The following ESRRG variants were observed in gnomAD, a reference collection of about 807,000 sequenced individuals.
ESRRG encodes the protein estrogen related receptor gamma, also known as estrogen-related receptor gamma.
In ESRRG, 13 loss-of-function variants were observed where a neutral mutation model predicts 44.0. That is an observed-to-expected ratio of 0.30 (90% confidence interval 0.19 to 0.47). ESRRG has a LOEUF of 0.47. Ranked by LOEUF, ESRRG falls within the 20% of genes least tolerant of loss-of-function variation. The pLI is 1.00. For missense variants in ESRRG, 395 were observed against 580.6 expected, an observed-to-expected ratio of 0.68 and a Z score of 3.29; for synonymous variants, 215 against 214.6, an observed-to-expected ratio of 1.00 and a Z score of -0.02.
intron 1 of ESRRG, among the ~76,000 whole-genome samples, chr1:216,719,634 C>T (rs2085745149): frequency 6.6e-6 from 1 of 151,720 alleles, no homozygotes; most frequent in South Asian, 2.1e-4. Flanking sequence ...ATATATATTA[C>T]AGGTCAGATT....
At chr1:216,508,674 A>G (rs1393558928) in intron 6 of ESRRG, among the ~76,000 whole-genome samples, 4 of 152,232 alleles carry the variant, frequency 2.6e-5, no homozygotes, top group Admixed American at 2.6e-4. Context: ...ACAAACACAC[A>G]TAATTTCTAA....
upstream of ESRRG, among the ~76,000 whole-genome samples, chr1:217,093,354 G>T (rs944097247): frequency 4.6e-5 from 7 of 152,070 alleles, no homozygotes; most frequent in African/African-American, 1.7e-4. Flanking sequence ...AGAACACTCA[G>T]CCTGGAGTGA....
At chr1:216,942,004 T>A (rs2065307055) in intron 1 of ESRRG, among the ~76,000 whole-genome samples, 1 of 152,150 alleles carries the variant, frequency 6.6e-6, no homozygotes, top group Non-Finnish European at 1.5e-5. Flanking sequence ...CTTCTACTGA[T>A]CCTGTCACCC....
At chr1:216,962,843 A>G (rs1473852351) in intron 1 of ESRRG, among the ~76,000 whole-genome samples, 1 of 152,208 alleles carries the variant, frequency 6.6e-6, no homozygotes, top group Non-Finnish European at 1.5e-5. Flanking sequence ...GAAAATAGCA[A>G]CTGAGAACGT....
intron 1 of ESRRG, among the ~76,000 whole-genome samples, chr1:217,005,780 T>TG (rs1426115005): frequency 1.2e-4 from 19 of 152,238 alleles, no homozygotes; most frequent in Non-Finnish European, 2.2e-4. Context: ...GTCAAAATTC[T>TG]CTCTTCTTTT....
chr1:217,017,478 C>CAAAAAAAAAAAAAA (rs55820027), intron 1 of ESRRG, among the ~76,000 whole-genome samples: 8 of 82,494 alleles, frequency 9.7e-5, no homozygotes, highest in African/African-American at 2.7e-4. Flanking sequence ...CTACATAACT[C>CAAAAAAAAAAAAAA]AAAAAAAAAA....
intron 1 of ESRRG, among the ~76,000 whole-genome samples, chr1:217,048,894 A>G (rs1020033739): frequency 6.6e-6 from 1 of 152,178 alleles, no homozygotes; most frequent in African/African-American, 2.4e-5. Context: ...GAAAATGAAC[A>G]TTGAATTATA....
chr1:216,872,349 G>A (rs2096270471), intron 2 of ESRRG, among the ~76,000 whole-genome samples: 2 of 151,898 alleles, frequency 1.3e-5, no homozygotes, highest in African/African-American at 4.8e-5. Flanking sequence ...TCCTAGTGTT[G>A]GCATTTTTTG....
intron 2 of ESRRG, among the ~76,000 whole-genome samples, chr1:216,654,196 TTTC>T (rs1319114660): frequency 1.3e-5 from 2 of 152,038 alleles, no homozygotes; most frequent in Non-Finnish European, 2.9e-5. Context: ...AACTTAGAAT[TTTC>T]TTATCTCAGG....
chr1:217,017,208 T>C (rs2079528131), intron 1 of ESRRG, among the ~76,000 whole-genome samples: 1 of 152,104 alleles, frequency 6.6e-6, no homozygotes, highest in African/African-American at 2.4e-5. Flanking sequence ...GTGTAATCTA[T>C]GGCCATCACA....
In ESRRG at chr1:216,775,593, A is replaced by G. The variant is rs148945713; in HGVS notation, c.-13-98102T>C. ...TTTTTTTTTTTTTTTTTTTTTTTTT[A>G]GACAGCGTCTCACGCTGTCGCACAG... On this transcript the variant is annotated intron_variant, in intron 2 of 7. Coordinates refer to the ESRRG transcript ENST00000359162. Among the ~76,000 whole-genome samples, 418 of 68,864 alleles carry G rather than the reference A, an allele frequency of 6.1e-3. 18 individuals are homozygous for G. The East Asian group carries it at 0.096, about 16-fold the overall frequency. The allele number at this position is 68,864 out of a possible 152,430, so 45.2% of individuals were successfully genotyped here. A position where few individuals can be genotyped will look rare whatever the true frequency, so the allele number is the denominator to read the frequency against.
intron 2 of ESRRG, among the ~76,000 whole-genome samples, chr1:216,850,275 C>T (rs2095820791): frequency 6.6e-6 from 1 of 152,048 alleles, no homozygotes; most frequent in Non-Finnish European, 1.5e-5. Context: ...TGAATTTTTG[C>T]TTTCTACCAA....
At chr1:216,686,452 A>C (rs2077983964) in intron 1 of ESRRG, among the ~76,000 whole-genome samples, 1 of 151,620 alleles carries the variant, frequency 6.6e-6, no homozygotes. Flanking sequence ...AAAAAAAAAA[A>C]AAAAAAAAAA....
chr1:216,567,570 CATTT>C (rs1430570483), intron 4 of ESRRG, among the ~76,000 whole-genome samples: 1 of 152,134 alleles, frequency 6.6e-6, no homozygotes, highest in African/African-American at 2.4e-5. Context: ...CAGTCAAATT[CATTT>C]AGTTAGTGAA....
chr1:216,831,296 C>T (rs1237947775), intron 2 of ESRRG, among the ~76,000 whole-genome samples: 1 of 152,204 alleles, frequency 6.6e-6, no homozygotes, highest in East Asian at 1.9e-4. Flanking sequence ...ACTTCATCAC[C>T]TTATTGCAAA....
intron 1 of ESRRG, among the ~76,000 whole-genome samples, chr1:216,699,541 A>G (rs1326297960): frequency 1.3e-5 from 2 of 152,232 alleles, no homozygotes; most frequent in Non-Finnish European, 2.9e-5. Context: ...TGAAAGAGGA[A>G]AAACCTGGAA....
intron 2 of ESRRG, among the ~76,000 whole-genome samples, chr1:216,925,625 G>A (rs974695042): frequency 5.9e-5 from 9 of 152,076 alleles, no homozygotes; most frequent in Admixed American, 2.0e-4. Context: ...GGGTGGGGGC[G>A]GAATGCTCCT....
intron 1 of ESRRG, among the ~76,000 whole-genome samples, chr1:217,005,365 G>A (rs997936698): frequency 6.6e-6 from 1 of 152,094 alleles, no homozygotes; most frequent in African/African-American, 2.4e-5. Context: ...AAAGACTGGT[G>A]CCTTTTCTCC....
In ESRRG at chr1:216,584,693, A is replaced by G. The variant is rs542749772; in HGVS notation, c.590-16595T>C. Among the ~76,000 whole-genome samples, 12 of 152,328 alleles carry G rather than the reference A, an allele frequency of 7.9e-5. No individual in the cohort carries two copies. In the East Asian group the frequency reaches 1.2e-3, roughly 15 times the overall value. ...AATAATAAGAAATTTAAGATCCTTTATAACTTTTCATATTACTTCTACATG... is the reference window on the plus strand; with the variant it reads ...AATAATAAGAAATTTAAGATCCTTTGTAACTTTTCATATTACTTCTACATG... On this transcript the variant is annotated intron_variant, in intron 3 of 6. Coordinates refer to ENST00000408911, the MANE Select transcript of ESRRG (RefSeq NM_001438.4).
Sources: gnomAD v4.1 joint callset for allele counts (sites outside exome capture counted in the v4.1 genomes callset) on GRCh38, gnomAD v4.1.1 for gene constraint, MANE v1.5 for transcripts, NCBI Gene and HGNC (gene_info 2026-07-23, HGNC 2026-07-21) for gene names.